Variants in SPATA22 observed in about 807,000 individuals in gnomAD.
SPATA22 encodes the protein spermatogenesis-associated protein 22.
In SPATA22, 29 loss-of-function variants were observed where a neutral mutation model predicts 47.8. The ratio of observed to expected loss-of-function variants is 0.61; its 90% CI spans 0.45 to 0.83. The LOEUF is 0.83. SPATA22 is among the 40% of genes least tolerant of loss of function. The probability of loss-of-function intolerance (pLI) is 0.00; values close to 1 mark genes in which losing one functional copy is unlikely to be tolerated. For missense variants in SPATA22, 410 were observed against 421.7 expected (o/e 0.97, Z 0.24); for synonymous variants, 133 against 140.9 (o/e 0.94, Z 0.40).
At chr17:3,507,009 A>C (rs1179144412) in intron 1 of SPATA22, among the ~76,000 whole-genome samples, 1 of 132,804 alleles carries the variant, frequency 7.5e-6, no homozygotes, top group Non-Finnish European at 1.6e-5. Flanking sequence ...GGAGGAAGGG[A>C]GGGAGGGGAG....
chr17:3,455,144 G>T (rs538349441), intron 5 of SPATA22, among the ~76,000 whole-genome samples: 183 of 150,578 alleles, frequency 1.2e-3, no homozygotes, highest in African/African-American at 3.9e-3. Flanking sequence ...TTTTGATGGG[G>T]TTTTTTTTTC....
intron 1 of SPATA22, among the ~76,000 whole-genome samples, chr17:3,487,611 T>C (rs1567613988): frequency 6.6e-6 from 1 of 152,240 alleles, no homozygotes; most frequent in Admixed American, 6.5e-5. Context: ...TTTCAGCTAA[T>C]TGCCTGTATT....
chr17:3,503,731 G>A (rs143084828), intron 1 of SPATA22, among the ~76,000 whole-genome samples: 1 of 152,124 alleles, frequency 6.6e-6, no homozygotes, highest in African/African-American at 2.4e-5. Flanking sequence ...ACATATTGCT[G>A]TGTGGTTTTA....
At chr17:3,492,551 T>G (rs541999515) in intron 1 of SPATA22, among the ~76,000 whole-genome samples, 1 of 152,220 alleles carries the variant, frequency 6.6e-6, no homozygotes, top group African/African-American at 2.4e-5. Context: ...ACTTCTGGAA[T>G]AGCTGGCTTG....
intron 6 of SPATA22, among the ~76,000 whole-genome samples, chr17:3,448,033 A>T (rs1259839776): frequency 6.6e-6 from 1 of 152,240 alleles, no homozygotes; most frequent in Non-Finnish European, 1.5e-5. Context: ...AACATTTACA[A>T]AGAGCAATCA....
chr17:3,479,996 A>G (rs2150745221), intron 1 of SPATA22, among the ~76,000 whole-genome samples: 1 of 152,160 alleles, frequency 6.6e-6, no homozygotes, highest in East Asian at 1.9e-4. Context: ...TGTGCCAGAA[A>G]AAAAATACAT....
chr17:3,463,951 G>T (rs144229941), intron 3 of SPATA22, among the ~76,000 whole-genome samples: 1 of 39,178 alleles, frequency 2.6e-5, no homozygotes. Flanking sequence ...CTCTCCCTCT[G>T]CCTCTCCCTC....
chr17:3,504,968 A>T (rs1447738123), intron 1 of SPATA22, among the ~76,000 whole-genome samples: 1 of 152,194 alleles, frequency 6.6e-6, no homozygotes, highest in African/African-American at 2.4e-5. Context: ...CAAGTCCTAC[A>T]TGCACTGGCC....
In SPATA22 at chr17:3,481,513, G is replaced by T. The variant is rs1187771794; in HGVS notation, c.-73-12115C>A. Reference sequence around the variant, plus strand: ...AGATTTTTCATATTAAAGATTTGGCGACTGGTTCTTTTTACACTGTGTTCT... The same window carrying T: ...AGATTTTTCATATTAAAGATTTGGCTACTGGTTCTTTTTACACTGTGTTCT... On this transcript the variant is annotated intron_variant, in intron 1 of 8. Coordinates refer to the SPATA22 transcript ENST00000541913. 4.1e-6 allele frequency: 5 copies of T among 1,214,880 alleles called. No individual in the cohort carries two copies. In the African/African-American group the frequency reaches 4.6e-5, roughly 11 times the overall value. 75.3% of individuals were successfully genotyped at this position (1,214,880 alleles called of 1,614,324 possible).
intron 8 of SPATA22, chr17:3,441,514 C>T (rs2072597369): frequency 3.3e-5 from 5 of 151,970 alleles, no homozygotes; most frequent in Admixed American, 2.0e-4. Context: ...ACTAAGCGTT[C>T]GTAAGAATGC....
At chr17:3,496,436 G>C (rs2073908394) in intron 1 of SPATA22, among the ~76,000 whole-genome samples, 2 of 152,176 alleles carry the variant, frequency 1.3e-5, no homozygotes, top group South Asian at 4.1e-4. Flanking sequence ...AGAGATGGTG[G>C]CACTGAAGTT....
chr17:3,481,035 A>T (rs907545587), intron 1 of SPATA22, among the ~76,000 whole-genome samples: 5 of 152,062 alleles, frequency 3.3e-5, no homozygotes, highest in African/African-American at 1.2e-4. Flanking sequence ...AGATGGGAAG[A>T]TTGCTTGAGC....
At chr17:3,456,135 G>T (rs538238897) in intron 5 of SPATA22, among the ~76,000 whole-genome samples, 8 of 152,184 alleles carry the variant, frequency 5.3e-5, no homozygotes, top group Admixed American at 4.6e-4. Context: ...ACAATTAAAA[G>T]AACTAGAAAA....
At chr17:3,459,546 C>T (rs950974980) in intron 5 of SPATA22, among the ~76,000 whole-genome samples, 1 of 152,156 alleles carries the variant, frequency 6.6e-6, no homozygotes, top group Non-Finnish European at 1.5e-5. Flanking sequence ...GCTGGGATTA[C>T]AGGCATGCGC....
intron 1 of SPATA22, 46 bp from the exon 2 acceptor site, chr17:3,469,444 C>T (rs1018058220): frequency 1.4e-6 from 1 of 738,738 alleles, no homozygotes; most frequent in East Asian, 2.8e-5. Flanking sequence ...AACTATAAAA[C>T]CCAATCCTCA....
At chr17:3,474,617 T>C (rs1045067033), upstream of SPATA22, among the ~76,000 whole-genome samples, 2 of 152,222 alleles carry the variant, frequency 1.3e-5, no homozygotes, top group African/African-American at 4.8e-5. Flanking sequence ...TTTTAATGCA[T>C]AGATTTGATG....
intron 3 of SPATA22, among the ~76,000 whole-genome samples, chr17:3,463,066 T>A (rs1597403898): frequency 6.6e-6 from 1 of 152,232 alleles, no homozygotes. Flanking sequence ...ATCCAATGTT[T>A]ACTGAACTTT....
chr17:3,513,852 CAG>C (rs1028788186), upstream of SPATA22: 12 of 1,337,606 alleles, frequency 9.0e-6, no homozygotes, highest in African/African-American at 2.3e-4. Flanking sequence ...CCTCTCTGCA[CAG>C]AGTCGGTGAC....
At chr17:3,446,415 A>G (rs749850833) in intron 7 of SPATA22, 57 bp downstream of exon 7, 86 of 1,531,750 alleles carry the variant, frequency 5.6e-5, no homozygotes, top group Non-Finnish European at 5.6e-5. Flanking sequence ...CTAATCAGAC[A>G]TTAAAACCTG....
Sources: gnomAD v4.1 joint callset for allele counts (sites outside exome capture counted in the v4.1 genomes callset) on GRCh38, gnomAD v4.1.1 for gene constraint, MANE v1.5 for transcripts, NCBI Gene and HGNC (gene_info 2026-07-23, HGNC 2026-07-21) for gene names.